The following CAMTA1 variants were observed in gnomAD, a reference collection of about 807,000 sequenced individuals.
The protein encoded by CAMTA1 is calmodulin-binding transcription activator 1.
Under a neutral mutation model 170.9 loss-of-function variants are expected in CAMTA1, and 27 were observed. That is an observed-to-expected ratio of 0.16 (90% CI 0.12 to 0.22). The LOEUF is 0.22. Among genes scored for constraint, CAMTA1 ranks in the 10% least tolerant of loss-of-function variants. The pLI, the probability that CAMTA1 is intolerant of heterozygous loss-of-function variation, is 1.00. For missense variants in CAMTA1, 1,619 were observed against 2,217.2 expected (o/e 0.73, Z 5.42); for synonymous variants, 833 against 891.5 (o/e 0.93, Z 1.17).
At chr1:6,894,081 A>G (rs1327720270) in intron 3 of CAMTA1, among the ~76,000 whole-genome samples, 1 of 152,256 alleles carries the variant, frequency 6.6e-6, no homozygotes, top group Non-Finnish European at 1.5e-5. Flanking sequence ...GCCTTGTGGC[A>G]AGCACAATTA....
chr1:6,833,054 A>G (rs977385523), intron 3 of CAMTA1, among the ~76,000 whole-genome samples: 19 of 152,198 alleles, frequency 1.2e-4, no homozygotes, highest in African/African-American at 3.6e-4. Flanking sequence ...TCCACAGGAT[A>G]TATTGAAAAG....
In CAMTA1 at chr1:7,561,121, G is replaced by A. The variant is rs2094951167; in HGVS notation, c.511-79279G>A. 1.3e-5 allele frequency among the ~76,000 whole-genome samples: 2 copies of A among 152,144 alleles called. No homozygotes were observed. Among genetic ancestry groups the A allele is most frequent in the Admixed American group, 6.5e-5 (1 of 15,286 alleles). On this transcript the variant is annotated intron_variant, in intron 6 of 22. Coordinates refer to ENST00000303635, the MANE Select transcript of CAMTA1 (RefSeq NM_015215.4). The surrounding 1 kb of genome is among the most constrained non-coding windows in gnomAD (Gnocchi z 5.3). ...GCTGTCCTTTCTGAACAACGCCCAA[G>A]AATCCAGGCATGGCCAGGGGCTGGC...
At chr1:6,994,288 G>T (rs1379523046) in intron 3 of CAMTA1, among the ~76,000 whole-genome samples, 1 of 152,142 alleles carries the variant, frequency 6.6e-6, no homozygotes, top group Non-Finnish European at 1.5e-5. Flanking sequence ...CCTGAAATCA[G>T]AGTTCCCATT....
chr1:7,524,528 C>A (rs116600349), intron 6 of CAMTA1, among the ~76,000 whole-genome samples: 1,789 of 152,312 alleles, frequency 0.012, 18 homozygotes, highest in Middle Eastern at 0.02. Flanking sequence ...GAGGGCGGTG[C>A]AAGCAGACAT....
At chr1:7,531,802 G>A (rs1000401617) in intron 6 of CAMTA1, among the ~76,000 whole-genome samples, 5 of 152,236 alleles carry the variant, frequency 3.3e-5, no homozygotes, top group African/African-American at 9.6e-5. Flanking sequence ...TCCACAGAGC[G>A]GCTGAGACTT....
At chr1:7,623,017 T>TA (rs1444025464) in intron 6 of CAMTA1, among the ~76,000 whole-genome samples, 35 of 152,358 alleles carry the variant, frequency 2.3e-4, no homozygotes, top group Admixed American at 1.3e-3. Context: ...GGCTTCTTTT[T>TA]ATCATCTCAG....
Position 7,050,517 on chromosome 1 carries a change from A to G in CAMTA1, c.235-40787A>G, listed in dbSNP as rs4908593. The stretch of plus-strand genomic sequence containing the variant: ...CATCAAACACATCGCGGGGGTGTGG[A>G]GTCTAGGGCTGAAGTCACGGGGTAG... On this transcript the variant is annotated intron_variant, in intron 3 of 22. Transcript: ENST00000303635. The surrounding 1 kb of genome is among the most constrained non-coding windows in gnomAD (Gnocchi z 4.8). Among the ~76,000 whole-genome samples the G allele has an allele frequency of 0.72, 109,685 of 151,950 alleles. 40,404 individuals carry two copies. The highest frequency in any genetic ancestry group is 0.87 in the African/African-American group (35,976 of 41,468).
intron 3 of CAMTA1, among the ~76,000 whole-genome samples, chr1:6,903,893 T>C (rs1016892388): frequency 2.0e-5 from 3 of 152,220 alleles, no homozygotes; most frequent in African/African-American, 7.2e-5. Flanking sequence ...GCAGACCTTC[T>C]TTTTATCTGT....
chr1:7,423,547 G>C (rs934452563), intron 5 of CAMTA1, among the ~76,000 whole-genome samples: 3 of 151,596 alleles, frequency 2.0e-5, no homozygotes, highest in African/African-American at 7.3e-5. Flanking sequence ...CCCCCGCCGG[G>C]TGTCATTACC....
At chr1:7,706,683 TAAA>T (rs1558180214) in intron 11 of CAMTA1, among the ~76,000 whole-genome samples, 3 of 152,218 alleles carry the variant, frequency 2.0e-5, no homozygotes, top group African/African-American at 7.2e-5. Flanking sequence ...ATTTCCTAAA[TAAA>T]TTTAACCTAG....
rs141135947 is a variant in CAMTA1 at position 6,818,527 on chromosome 1, AAGGAGAG to A, written c.46-1651_46-1645del. On this transcript the variant is annotated intron_variant, in intron 1 of 22. Transcript: ENST00000303635. ...CTAATCCTCCTCCTGCCTCAGAGAG[AAGGAGAG>A]AGAAGTATCCACCCGCCCTTTTTGG... 4.9e-3 allele frequency among the ~76,000 whole-genome samples: 750 copies of A among 152,242 alleles called. 7 individuals carry two copies. The highest frequency in any genetic ancestry group is 0.017 in the African/African-American group (704 of 41,510).
intron 3 of CAMTA1, among the ~76,000 whole-genome samples, chr1:6,840,220 T>G (rs985231037): frequency 1.3e-5 from 2 of 152,112 alleles, no homozygotes; most frequent in Admixed American, 1.3e-4. Context: ...GAGTTGAGAT[T>G]TTGTTTTAAG....
rs1685020025 is a variant in CAMTA1 at position 6,934,729 on chromosome 1, C to T, written c.234+109519C>T. ...ATGCCCGCACCATGGCTTTACCTAG[C>T]CCTGCTCTTCAGTGAAGGTATCTTG... On this transcript the variant is annotated intron_variant, in intron 3 of 22. Transcript: ENST00000303635. The surrounding 1 kb of genome is among the most constrained non-coding windows in gnomAD (Gnocchi z 4.5). Among the ~76,000 whole-genome samples the T allele has an allele frequency of 6.6e-6, 1 of 152,090 alleles. No homozygotes were observed. Among genetic ancestry groups the T allele is most frequent in the South Asian group, 2.1e-4 (1 of 4,820 alleles).
Position 7,768,440 on chromosome 1 carries a change from T to C in CAMTA1, c.*1949T>C, listed in dbSNP as rs2097037141. ...AAGCTGAGATGTTTTTTCTTGGTTC[T>C]GGCTGCCAACTGTGAGTTAAAACTC... On this transcript the variant is annotated 3_prime_UTR_variant, in exon 23 of 23. Transcript: ENST00000303635. 1 of 152,818 alleles carries C rather than the reference T, an allele frequency of 6.5e-6. No individual in the cohort carries two copies. Among genetic ancestry groups the C allele is most frequent in the African/African-American group, 2.4e-5 (1 of 41,466 alleles). 9.5% of individuals were successfully genotyped at this position (152,818 alleles called of 1,614,324 possible).
intron 3 of CAMTA1, among the ~76,000 whole-genome samples, chr1:6,940,448 T>G (rs921639656): frequency 5.3e-5 from 8 of 152,180 alleles, no homozygotes; most frequent in African/African-American, 1.9e-4. Flanking sequence ...GAGGAAGCCC[T>G]GCTTTACTCA....
chr1:6,947,572 G>A (rs1687788037), intron 3 of CAMTA1, among the ~76,000 whole-genome samples: 2 of 148,912 alleles, frequency 1.3e-5, no homozygotes, highest in Admixed American at 6.7e-5. Flanking sequence ...GAGTAGAGAT[G>A]GTGTTTCACC....
intron 5 of CAMTA1, among the ~76,000 whole-genome samples, chr1:7,373,604 A>T (rs1338733439): frequency 6.6e-6 from 1 of 152,206 alleles, no homozygotes; most frequent in African/African-American, 2.4e-5. Flanking sequence ...GAAACCCAAA[A>T]CAATGATCAC....
At position 7,091,249 on chromosome 1, in the gene CAMTA1, T is replaced by C. The variant is rs1641431394; in HGVS notation, c.235-55T>C. ...GAAACAGCAAAAACTTTCTTACCTC[T>C]CAGGATCCAATGTGAGCTAATTGTT... On this transcript the variant is annotated intron_variant, in intron 3 of 22. Coordinates refer to ENST00000303635, the MANE Select transcript of CAMTA1 (RefSeq NM_015215.4). 2.3e-6 allele frequency: 3 copies of C among 1,330,774 alleles called. No homozygotes were observed. In the Admixed American group the frequency reaches 5.1e-5, roughly 23 times the overall value. 82.4% of individuals were successfully genotyped at this position (1,330,774 alleles called of 1,614,324 possible).
chr1:6,814,554 A>C (rs1267748150), intron 1 of CAMTA1, among the ~76,000 whole-genome samples: 2 of 152,228 alleles, frequency 1.3e-5, no homozygotes, highest in African/African-American at 2.4e-5. Flanking sequence ...CAGTCTGCCC[A>C]CCAGGAGCAC....
Sources: allele counts gnomAD v4.1 joint callset (sites outside exome capture counted in the v4.1 genomes callset), GRCh38; gene constraint gnomAD v4.1.1; non-coding constraint Gnocchi (gnomAD v3.1); transcripts MANE v1.5; gene names NCBI Gene and HGNC (gene_info 2026-07-23, HGNC 2026-07-21).